STRN3: variants seen among roughly 807,000 people sequenced by gnomAD.
The protein encoded by STRN3 is striatin 3.
STRN3 carries 29 observed loss-of-function variants against 95.6 expected under a neutral mutation model. The ratio of observed to expected loss-of-function variants is 0.30; its 90% confidence interval spans 0.23 to 0.41. The LOEUF (loss-of-function observed/expected upper bound fraction) is 0.41. Among genes scored for constraint, STRN3 ranks in the 10% least tolerant of loss-of-function variants. The probability of loss-of-function intolerance (pLI) is 1.00; values close to 1 mark genes in which losing one functional copy is unlikely to be tolerated. For synonymous variants in STRN3, 331 were observed against 357.6 expected (o/e 0.93, Z 0.84); for missense variants, 890 against 972.1 (o/e 0.92, Z 1.12).
At chr14:31,017,919 T>C (rs1017953034) in intron 1 of STRN3, among the ~76,000 whole-genome samples, 5 of 151,582 alleles carry the variant, frequency 3.3e-5, no homozygotes, top group Admixed American at 2.0e-4. Context: ...CTACTAAAAA[T>C]ACAAAATAAT....
chr14:31,015,071 C>T (rs1213097819), intron 1 of STRN3, among the ~76,000 whole-genome samples: 1 of 152,174 alleles, frequency 6.6e-6, no homozygotes, highest in East Asian at 1.9e-4. Flanking sequence ...TCAAGTGATC[C>T]GCCCGCCTTG....
chr14:30,990,978 G>A lies in STRN3; in HGVS notation c.283-34736C>T, dbSNP rs564150580. Among the ~76,000 whole-genome samples, 6 of 152,292 alleles carry A rather than the reference G, an allele frequency of 3.9e-5. No individual in the cohort carries two copies. In the South Asian group the frequency reaches 1.0e-3, roughly 26 times the overall value. On this transcript the variant is annotated intron_variant, in intron 1 of 17. Transcript: ENST00000357479. ...ATGTGGAACCCACAGATACAGAGGG[G>A]CAGCTGTACCAGAAAAGGAAGGAAT... is the stretch of plus-strand genomic sequence containing the variant.
intron 1 of STRN3, among the ~76,000 whole-genome samples, chr14:30,959,018 C>G (rs1347035920): frequency 1.3e-5 from 2 of 152,096 alleles, no homozygotes; most frequent in African/African-American, 4.8e-5. Flanking sequence ...GAATTAAAAA[C>G]AAAACCTTTT....
At chr14:30,955,742 C>A (rs902920326) in intron 2 of STRN3, 49 bp from the exon 3 acceptor site, 7 of 1,456,634 alleles carry the variant, frequency 4.8e-6, no homozygotes, top group South Asian at 1.3e-5. Flanking sequence ...TTCTTTTTGT[C>A]ACTCTTGCTT....
At chr14:30,929,168 A>G (rs1278799328) in intron 8 of STRN3, 33 bp downstream of exon 8, 1 of 1,530,518 alleles carries the variant, frequency 6.5e-7, no homozygotes, top group Non-Finnish European at 8.8e-7. Context: ...TTATTGGTAT[A>G]CAAAAATTAT....
At chr14:30,959,150 A>G (rs1489804226) in intron 1 of STRN3, among the ~76,000 whole-genome samples, 1 of 152,146 alleles carries the variant, frequency 6.6e-6, no homozygotes, top group South Asian at 2.1e-4. Flanking sequence ...ACACAGCAAC[A>G]CCTCGTCTTC....
chr14:31,019,824 G>A (rs1883416747), intron 1 of STRN3, among the ~76,000 whole-genome samples: 1 of 151,468 alleles, frequency 6.6e-6, no homozygotes, highest in African/African-American at 2.4e-5. Context: ...TATACTTTAG[G>A]ATACTGATGT....
At chr14:30,995,100 C>A (rs1882137833) in intron 1 of STRN3, among the ~76,000 whole-genome samples, 1 of 152,142 alleles carries the variant, frequency 6.6e-6, no homozygotes, top group South Asian at 2.1e-4. Flanking sequence ...ATGATCCTGC[C>A]AGCAAATAAA....
intron 5 of STRN3, among the ~76,000 whole-genome samples, chr14:30,938,828 C>T (rs909955324): frequency 4.6e-5 from 7 of 152,000 alleles, no homozygotes; most frequent in African/African-American, 9.7e-5. Context: ...TGCATCATAA[C>T]GATAGGTGGA....
chr14:30,967,330 G>A (rs1400813539), intron 1 of STRN3, among the ~76,000 whole-genome samples: 2 of 151,982 alleles, frequency 1.3e-5, no homozygotes, highest in African/African-American at 4.8e-5. Context: ...GAGAGACAGA[G>A]AGTCAGAGAG....
chr14:31,001,075 C>T (rs895470733), intron 1 of STRN3, among the ~76,000 whole-genome samples: 2 of 152,170 alleles, frequency 1.3e-5, no homozygotes, highest in Non-Finnish European at 2.9e-5. Context: ...GAGTACCTAG[C>T]TGTGTTGGAT....
Position 30,929,922 on chromosome 14 carries a change from A to G in STRN3, c.989-611T>C, listed in dbSNP as rs150554078. ...CACCCAAATAGTTCAACATCTCATT[A>G]CCTTCTTCCATTGGTCTACAACTAA... On this transcript the variant is annotated intron_variant, in intron 7 of 17. Coordinates refer to ENST00000357479, the MANE Select transcript of STRN3 (RefSeq NM_001083893.2). Among the ~76,000 whole-genome samples, 759 of 131,606 alleles carry G rather than the reference A, an allele frequency of 5.8e-3. 4 individuals carry two copies. Among genetic ancestry groups the G allele is most frequent in the Middle Eastern group, 0.051 (11 of 216 alleles). The allele number at this position is 131,606 out of a possible 152,430, so 86.3% of individuals were successfully genotyped here. A position where few individuals can be genotyped will look rare whatever the true frequency, so the allele number is the denominator to read the frequency against.
At chr14:30,999,480 T>A (rs77559040) in intron 1 of STRN3, among the ~76,000 whole-genome samples, 8,600 of 152,138 alleles carry the variant, frequency 0.057, 445 homozygotes, top group East Asian at 0.21. Flanking sequence ...ACACAAAAAT[T>A]TTAAGAAAGA....
chr14:30,930,159 A>G (rs1878459244), intron 7 of STRN3, among the ~76,000 whole-genome samples: 1 of 152,082 alleles, frequency 6.6e-6, no homozygotes, highest in Non-Finnish European at 1.5e-5. Flanking sequence ...ATTTACTCAT[A>G]GTCAACTAGA....
chr14:30,947,724 G>A (rs900262926), intron 4 of STRN3, among the ~76,000 whole-genome samples: 1 of 152,116 alleles, frequency 6.6e-6, no homozygotes, highest in African/African-American at 2.4e-5. Context: ...GTTAACTAGA[G>A]ATTGATGAAC....
At chr14:31,003,883 T>A (rs1051647038) in intron 1 of STRN3, among the ~76,000 whole-genome samples, 2 of 150,726 alleles carry the variant, frequency 1.3e-5, no homozygotes, top group South Asian at 2.1e-4. Flanking sequence ...GAATGGTGGT[T>A]CATGCCTATA....
chr14:30,903,635 G>A (rs942329143), intron 15 of STRN3, among the ~76,000 whole-genome samples: 2 of 152,180 alleles, frequency 1.3e-5, no homozygotes, highest in African/African-American at 4.8e-5. Context: ...CTAGCCTCAA[G>A]CTATCTTCCC....
At chr14:30,983,135 T>C (rs911608026) in intron 1 of STRN3, among the ~76,000 whole-genome samples, 1 of 152,348 alleles carries the variant, frequency 6.6e-6, no homozygotes, top group East Asian at 1.9e-4. Context: ...AATGAAGTCA[T>C]AAAGTTCTTG....
chr14:30,960,076 C>T (rs1027038232), intron 1 of STRN3, among the ~76,000 whole-genome samples: 9 of 151,884 alleles, frequency 5.9e-5, no homozygotes, highest in South Asian at 2.1e-4. Flanking sequence ...TGAGATGGGC[C>T]GAGTACAGGG....
Sources: allele counts gnomAD v4.1 joint callset (sites outside exome capture counted in the v4.1 genomes callset), GRCh38; gene constraint gnomAD v4.1.1; transcripts MANE v1.5; gene names NCBI Gene and HGNC (gene_info 2026-07-23, HGNC 2026-07-21).